The following HNMT variants were observed in gnomAD, a reference collection of about 807,000 sequenced individuals.
HNMT encodes histamine N-methyltransferase.
Under a neutral mutation model 32.1 loss-of-function variants are expected in HNMT, and 30 were observed. The ratio of observed to expected loss-of-function variants is 0.93; its 90% CI spans 0.70 to 1.27. The LOEUF (loss-of-function observed/expected upper bound fraction) is 1.27. HNMT is among the 50% of genes most tolerant of loss of function. The probability of loss-of-function intolerance (pLI) is 0.00; values close to 1 mark genes in which losing one functional copy is unlikely to be tolerated. For synonymous variants in HNMT, 125 were observed against 119.0 expected, an observed-to-expected ratio of 1.05 and a Z score of -0.33; for missense variants, 327 against 346.0, an observed-to-expected ratio of 0.95 and a Z score of 0.43.
rs760879749 is a variant in HNMT, at chr2:137,981,321, G to C, written c.190+11104G>C. The C allele has an allele frequency of 2.5e-6, 4 of 1,613,240 alleles. No individual in the cohort carries two copies. The African/African-American group carries it at 4.0e-5, about 16-fold the overall frequency. ...CCAGGCATGAGGATCCATGATGAGC[G>C]CTCTTCTGAGTTGCCATTTGGAGCT... On this transcript the variant is annotated intron_variant, in intron 2 of 5. Coordinates refer to ENST00000280097, the MANE Select transcript of HNMT (RefSeq NM_006895.3).
At chr2:137,979,649 A>AAAAT (rs1177405584) in intron 2 of HNMT, among the ~76,000 whole-genome samples, 1 of 152,162 alleles carries the variant, frequency 6.6e-6, no homozygotes, top group East Asian at 1.9e-4. Flanking sequence ...CACTACAAAT[A>AAAAT]ACACATTAAA....
At chr2:137,973,717 A>G (rs887876821) in intron 2 of HNMT, among the ~76,000 whole-genome samples, 1 of 152,162 alleles carries the variant, frequency 6.6e-6, no homozygotes, top group African/African-American at 2.4e-5. Context: ...AAAGAAAACC[A>G]GCTAAAAGCC....
chr2:137,983,178 C>T (rs899563575), intron 2 of HNMT, among the ~76,000 whole-genome samples: 15 of 152,140 alleles, frequency 9.9e-5, no homozygotes, highest in African/African-American at 3.6e-4. Context: ...ACCAGGAAGA[C>T]AGTTAACAGT....
chr2:137,994,829 G>A (rs890588365), intron 2 of HNMT, among the ~76,000 whole-genome samples: 1 of 152,158 alleles, frequency 6.6e-6, no homozygotes, highest in Non-Finnish European at 1.5e-5. Flanking sequence ...TCAGACCACA[G>A]TGCAATCAAA....
chr2:137,988,302 T>C (rs1680712224), intron 2 of HNMT, among the ~76,000 whole-genome samples: 1 of 152,160 alleles, frequency 6.6e-6, no homozygotes, highest in Admixed American at 6.6e-5. Context: ...GCTGACCTTT[T>C]AGGATATTAT....
chr2:137,974,564 G>A lies in HNMT; in HGVS notation c.190+4347G>A, dbSNP rs919154854. Reference sequence around the variant, plus strand: ...AAAACATGTTCCAGAAAGCAGTCACGGCCAATGTGTTCTCCTTGCTCTGGG... The same window carrying A: ...AAAACATGTTCCAGAAAGCAGTCACAGCCAATGTGTTCTCCTTGCTCTGGG... On this transcript the variant is annotated intron_variant, in intron 2 of 5. Transcript: ENST00000280097. 1.1e-4 allele frequency among the ~76,000 whole-genome samples: 17 copies of A among 152,164 alleles called. 1 individual carries two copies. The South Asian group carries it at 2.9e-3, about 26-fold the overall frequency.
At chr2:137,992,024 TC>T (rs70978270) in intron 2 of HNMT, 60,864 of 151,904 alleles carry the variant, frequency 0.4, 12,307 homozygotes, top group South Asian at 0.46. Context: ...GGGAGCCCCC[TC>T]CCCCCCAGCC....
chr2:137,972,220 C>T (rs944442727), intron 2 of HNMT, among the ~76,000 whole-genome samples: 4 of 152,138 alleles, frequency 2.6e-5, no homozygotes, highest in Non-Finnish European at 2.9e-5. Context: ...TTCTCCCTGC[C>T]TCAGTCTCCC....
chr2:137,985,316 T>C (rs1484098954), intron 2 of HNMT, among the ~76,000 whole-genome samples: 2 of 152,172 alleles, frequency 1.3e-5, no homozygotes, highest in Admixed American at 1.3e-4. Context: ...AGTGGAAGTG[T>C]ATGTCTAATT....
chr2:137,972,388 G>A (rs1034470272), intron 2 of HNMT, among the ~76,000 whole-genome samples: 1 of 152,138 alleles, frequency 6.6e-6, no homozygotes, highest in Non-Finnish European at 1.5e-5. Flanking sequence ...TTACAGGCAT[G>A]AGCCACCATG....
intron 2 of HNMT, among the ~76,000 whole-genome samples, chr2:137,986,746 T>C (rs1268573393): frequency 6.6e-6 from 1 of 152,154 alleles, no homozygotes; most frequent in Admixed American, 6.5e-5. Context: ...AAATTATAGA[T>C]AAAAAAAGAG....
chr2:137,964,502 C>G lies in HNMT; in HGVS notation c.11C>G (p.Ser4Cys). ...CTCAGAAAACCAAATATGGCATCTT[C>G]CATGAGGAGCTTGTTTTCTGACCAC... MAS[S>C]MRSLFSDHGK... is the part of the protein sequence containing the mutation. Residue 4 changes from serine (S) to cysteine (C), a missense_variant, in exon 1 of 6, where the codon TCC becomes TGC. Physicochemically the swap from Ser to Cys is moderately radical, Grantham distance 112. Transcript: ENST00000280097. The G allele has an allele frequency of 6.2e-7, 1 of 1,613,446 alleles. No individual in the cohort carries two copies. The highest frequency in any genetic ancestry group is 1.1e-5 in the South Asian group (1 of 91,048).
chr2:137,967,493 C>T (rs1345504797), intron 1 of HNMT: 2 of 176,414 alleles, frequency 1.1e-5, no homozygotes, highest in Non-Finnish European at 2.4e-5. Context: ...TTTGTTTTCC[C>T]TATTTTGAAC....
Position 138,002,038 on chromosome 2 carries a change from T to A in HNMT, c.299-26T>A, listed in dbSNP as rs774555621. On this transcript the variant is annotated intron_variant, in intron 3 of 5. Coordinates refer to ENST00000280097, the MANE Select transcript of HNMT (RefSeq NM_006895.3). ...CCACATTTGCAATTAAAATTGATGG[T>A]GTGTCACCTCTTCTCTGTATTTTAG... 14 of 1,491,956 alleles carry A rather than the reference T, an allele frequency of 9.4e-6. No individual in the cohort carries two copies. In the Admixed American group the frequency reaches 3.3e-4, roughly 35 times the overall value. 92.4% of individuals were successfully genotyped at this position (1,491,956 alleles called of 1,614,324 possible).
chr2:137,994,698 C>G (rs1680933525), intron 2 of HNMT, among the ~76,000 whole-genome samples: 1 of 152,172 alleles, frequency 6.6e-6, no homozygotes, highest in South Asian at 2.1e-4. Context: ...CCTCTGTACC[C>G]CAAATCAACA....
intron 2 of HNMT, among the ~76,000 whole-genome samples, chr2:137,974,546 G>A (rs1680230374): frequency 6.6e-6 from 1 of 152,144 alleles, no homozygotes; most frequent in East Asian, 1.9e-4. Flanking sequence ...CTGAAAACAT[G>A]TTCCAGAAAG....
At chr2:137,981,356 GA>G in intron 2 of HNMT, 1 of 1,612,830 alleles carries the variant, frequency 6.2e-7, no homozygotes, top group South Asian at 1.1e-5. Context: ...TGCCCGTTTA[GA>G]AAGCAAATCT....
At chr2:137,983,836 T>C (rs911264923) in intron 2 of HNMT, among the ~76,000 whole-genome samples, 1 of 152,186 alleles carries the variant, frequency 6.6e-6, no homozygotes, top group Non-Finnish European at 1.5e-5. Flanking sequence ...TAAAGGAGAA[T>C]TTATAACCTG....
At chr2:137,970,391 T>G (rs576063615) in intron 2 of HNMT, among the ~76,000 whole-genome samples, 174 bp downstream of exon 2, 1 of 152,204 alleles carries the variant, frequency 6.6e-6, no homozygotes, top group African/African-American at 2.4e-5. Flanking sequence ...ATTTACAGGG[T>G]TTAGGACATT....
Sources: allele counts gnomAD v4.1 joint callset (sites outside exome capture counted in the v4.1 genomes callset), GRCh38; gene constraint gnomAD v4.1.1; transcripts MANE v1.5; gene names NCBI Gene and HGNC (gene_info 2026-07-23, HGNC 2026-07-21).